IL33: variants seen among roughly 807,000 people sequenced by gnomAD.
IL33 encodes the protein interleukin-33.
IL33 carries 37 observed loss-of-function variants against 27.3 expected under a neutral mutation model. That is an observed-to-expected ratio of 1.36 (90% confidence interval 1.04 to 1.78). The LOEUF is 1.78. Among genes scored for constraint, IL33 ranks in the 40% most tolerant of loss-of-function variants. The pLI is 0.00. For synonymous variants in IL33, 132 were observed against 102.9 expected (o/e 1.28, Z -1.71); for missense variants, 406 against 311.4 (o/e 1.30, Z -2.29).
At chr9:6,231,791 C>A (rs775957650) in intron 1 of IL33, among the ~76,000 whole-genome samples, 1 of 152,146 alleles carries the variant, frequency 6.6e-6, no homozygotes, top group Non-Finnish European at 1.5e-5. Context: ...CCCTCAGGAT[C>A]TCGAGGAGGT....
chr9:6,249,283 G>C (rs1178028228), intron 2 of IL33, among the ~76,000 whole-genome samples: 1 of 152,104 alleles, frequency 6.6e-6, no homozygotes, highest in Non-Finnish European at 1.5e-5. Context: ...ATTTTAGGAA[G>C]GCAAATCCAC....
At chr9:6,254,191 C>G (rs1448777959) in intron 6 of IL33, among the ~76,000 whole-genome samples, 1 of 152,250 alleles carries the variant, frequency 6.6e-6, no homozygotes, top group African/African-American at 2.4e-5. Flanking sequence ...TACATGCAGA[C>G]AGGAAAGCTG....
chr9:6,216,767 CT>C (rs1346620031), intron 1 of IL33, among the ~76,000 whole-genome samples: 1 of 152,028 alleles, frequency 6.6e-6, no homozygotes, highest in Non-Finnish European at 1.5e-5. Flanking sequence ...ATGATGGAAA[CT>C]TTGAATAAAA....
At position 6,250,192 on chromosome 9, in the gene IL33, T is replaced by C. The variant is rs1196223777; in HGVS notation, c.92-282T>C. Among the ~76,000 whole-genome samples the C allele has an allele frequency of 2.0e-5, 3 of 152,208 alleles. No homozygotes were observed. In the East Asian group the frequency reaches 5.8e-4, roughly 29 times the overall value. ...TGTGAACTAACATAAGGTCTTTATT[T>C]CACTTTGTGTAAATTTTCCTATGTT... On this transcript the variant is annotated intron_variant, in intron 2 of 7. Transcript: ENST00000682010.
chr9:6,220,877 C>G (rs1818382265), intron 1 of IL33, among the ~76,000 whole-genome samples: 4 of 152,136 alleles, frequency 2.6e-5, no homozygotes, highest in Admixed American at 2.6e-4. Flanking sequence ...CCTCAGCCTC[C>G]TAAGTAGCTG....
intron 2 of IL33, among the ~76,000 whole-genome samples, chr9:6,243,837 C>G (rs570297665): frequency 3.8e-4 from 58 of 152,296 alleles, no homozygotes; most frequent in African/African-American, 1.3e-3. Flanking sequence ...GAAAAGAAAG[C>G]AGAGTTAATA....
At chr9:6,233,545 T>A (rs1035386990) in intron 1 of IL33, among the ~76,000 whole-genome samples, 7 of 152,192 alleles carry the variant, frequency 4.6e-5, no homozygotes, top group African/African-American at 1.4e-4. Flanking sequence ...CATCCCAATA[T>A]AAACCTCAAT....
At position 6,239,285 on chromosome 9, in the gene IL33, G is replaced by C. The variant is rs191343411; in HGVS notation, c.-11-2399G>C. Among the ~76,000 whole-genome samples, 115 of 152,244 alleles carry C rather than the reference G, an allele frequency of 7.6e-4. 1 individual carries two copies. The highest frequency in any genetic ancestry group is 2.5e-3 in the African/African-American group (103 of 41,542). The stretch of plus-strand genomic sequence containing the variant: ...TTCAAATAAGGAAGCTTGCTCAGGA[G>C]GGCATGCTTGGAACATGCCTACAGC... On this transcript the variant is annotated intron_variant, in intron 1 of 7. Transcript: ENST00000682010.
At chr9:6,221,464 G>GT (rs1818409005) in intron 1 of IL33, among the ~76,000 whole-genome samples, 1 of 152,168 alleles carries the variant, frequency 6.6e-6, no homozygotes, top group Admixed American at 6.5e-5. Flanking sequence ...TTTCTGCTCA[G>GT]TGCTATAAGG....
intron 7 of IL33, among the ~76,000 whole-genome samples, chr9:6,255,625 T>TA (rs1026749334): frequency 1.5e-4 from 23 of 151,750 alleles, no homozygotes; most frequent in Middle Eastern, 3.4e-3. Flanking sequence ...CTGGTTAGAC[T>TA]AAAAAAAATG....
At chr9:6,242,495 T>C (rs1194542105) in intron 2 of IL33, 1 of 152,224 alleles carries the variant, frequency 6.6e-6, no homozygotes, top group Non-Finnish European at 1.5e-5. Flanking sequence ...AAAATGAGAT[T>C]CACCAAATGA....
At chr9:6,228,775 A>C (rs907000060) in intron 1 of IL33, among the ~76,000 whole-genome samples, 7 of 151,408 alleles carry the variant, frequency 4.6e-5, no homozygotes, top group African/African-American at 1.7e-4. Flanking sequence ...GATCCCTTGA[A>C]CCTAGGAGTT....
At chr9:6,247,524 T>A (rs1261653980) in intron 2 of IL33, among the ~76,000 whole-genome samples, 1 of 152,182 alleles carries the variant, frequency 6.6e-6, no homozygotes, top group East Asian at 1.9e-4. Context: ...TCCTATTTAC[T>A]CACAAGAAAT....
intron 1 of IL33, among the ~76,000 whole-genome samples, chr9:6,222,095 C>T (rs998665799): frequency 4.6e-5 from 7 of 152,240 alleles, no homozygotes; most frequent in Admixed American, 3.3e-4. Context: ...TTTAGATCAC[C>T]GCACAAGGCA....
At position 6,241,924 on chromosome 9, in the gene IL33, T is replaced by A. The variant is rs574680891; in HGVS notation, c.91+139T>A. The A allele has an allele frequency of 2.0e-4, 131 of 655,552 alleles. 2 individuals carry two copies. The South Asian group carries it at 2.8e-3, about 14-fold the overall frequency. The allele number at this position is 655,552 out of a possible 1,614,324, so 40.6% of individuals were successfully genotyped here. Reference sequence around the variant, plus strand: ...AACTAAAATAAAAAGAGATGGCACATAAGGGTATAATACAGCAGACTGGTT... The same window carrying A: ...AACTAAAATAAAAAGAGATGGCACAAAAGGGTATAATACAGCAGACTGGTT... On this transcript the variant is annotated intron_variant, in intron 2 of 7. Transcript: ENST00000682010.
Position 6,241,361 on chromosome 9 carries a change from A to C in IL33, c.-11-323A>C, listed in dbSNP as rs544453456. 3.9e-5 allele frequency among the ~76,000 whole-genome samples: 6 copies of C among 152,292 alleles called. No homozygotes were observed. In the South Asian group the frequency reaches 1.2e-3, roughly 32 times the overall value. ...GCAGTGGGTTGTTTACACCACCATC[A>C]CCACAAACACGCAAGTAATGAATTG... On this transcript the variant is annotated intron_variant, in intron 1 of 7. Transcript: ENST00000682010.
chr9:6,233,862 C>G (rs1413286333), intron 1 of IL33, among the ~76,000 whole-genome samples: 2 of 152,130 alleles, frequency 1.3e-5, no homozygotes, highest in African/African-American at 2.4e-5. Flanking sequence ...CTGTATTATA[C>G]TTCTTGGAAA....
At chr9:6,233,978 C>G (rs1036242501) in intron 1 of IL33, among the ~76,000 whole-genome samples, 1 of 152,222 alleles carries the variant, frequency 6.6e-6, no homozygotes, top group East Asian at 1.9e-4. Context: ...TCAACCAGGT[C>G]TCTATAGTAC....
intron 1 of IL33, among the ~76,000 whole-genome samples, chr9:6,236,442 T>C (rs1412248593): frequency 6.6e-6 from 1 of 152,220 alleles, no homozygotes; most frequent in Non-Finnish European, 1.5e-5. Flanking sequence ...TTCAACTTTC[T>C]GTAGAAAAGA....
Sources: gnomAD v4.1 joint callset for allele counts (sites outside exome capture counted in the v4.1 genomes callset) on GRCh38, gnomAD v4.1.1 for gene constraint, MANE v1.5 for transcripts, NCBI Gene and HGNC (gene_info 2026-07-23, HGNC 2026-07-21) for gene names.